COLEC10: variants seen among roughly 807,000 people sequenced by gnomAD.
COLEC10 encodes the protein collectin subfamily member 10, also known as collectin-10.
A neutral mutation model predicts 28.4 loss-of-function variants in COLEC10; 22 were observed. The observed-to-expected ratio is 0.78, with a 90% CI of 0.55 to 1.11. COLEC10 has a LOEUF of 1.11. Ranked by LOEUF, COLEC10 falls within the 50% of genes least tolerant of loss-of-function variation. The pLI is 0.00. For synonymous variants in COLEC10, 125 were observed against 116.1 expected (o/e 1.08, Z -0.49); for missense variants, 361 against 344.1 (o/e 1.05, Z -0.39).
chr8:118,953,093 G>T, the COLEC10 span, among the ~76,000 whole-genome samples: 2 of 152,186 alleles, frequency 1.3e-5, no homozygotes. Flanking sequence ...CAGGATCAGA[G>T]CATCTGCCCC....
chr8:119,087,852 G>A (rs1422747220), intron 1 of COLEC10, among the ~76,000 whole-genome samples: 2 of 152,084 alleles, frequency 1.3e-5, no homozygotes, highest in Admixed American at 6.6e-5. Flanking sequence ...TATGACAATA[G>A]GCAAGCAACT....
the COLEC10 span, among the ~76,000 whole-genome samples, chr8:118,983,457 G>A: frequency 1.3e-5 from 2 of 152,006 alleles, no homozygotes; most frequent in African/African-American, 2.4e-5. Context: ...CTTATTTTAT[G>A]GAGGCTCATA....
chr8:119,089,814 C>A, intron 2 of COLEC10, 63 bp downstream of exon 2: 1 of 1,382,248 alleles, frequency 7.2e-7, no homozygotes, highest in Non-Finnish European at 1.0e-6. Context: ...CTCTCCTGGC[C>A]CTTGCCCTGG....
At chr8:119,021,282 C>G (rs542968795) in intron 2 of COLEC10, among the ~76,000 whole-genome samples, 1 of 152,240 alleles carries the variant, frequency 6.6e-6, no homozygotes, top group East Asian at 1.9e-4. Flanking sequence ...CAAATTATTT[C>G]CAAATTTATG....
At chr8:119,052,590 T>C (rs1373334778) in intron 2 of COLEC10, among the ~76,000 whole-genome samples, 2 of 152,102 alleles carry the variant, frequency 1.3e-5, no homozygotes, top group African/African-American at 4.8e-5. Flanking sequence ...CATGTCTCCA[T>C]TGACTCACAG....
At chr8:119,017,660 C>T (rs912679308) in intron 2 of COLEC10, among the ~76,000 whole-genome samples, 9 of 152,112 alleles carry the variant, frequency 5.9e-5, no homozygotes, top group Non-Finnish European at 7.4e-5. Context: ...CCCTTCGGAG[C>T]TCCTACATCA....
At chr8:119,089,034 C>T (rs1815537409) in intron 1 of COLEC10, among the ~76,000 whole-genome samples, 1 of 152,188 alleles carries the variant, frequency 6.6e-6, no homozygotes, top group Non-Finnish European at 1.5e-5. Flanking sequence ...CCAATAAACT[C>T]AATCACCGGC....
In COLEC10 at chr8:118,996,920, G is replaced by A. The variant is rs538679686; in HGVS notation, n.122+1347G>A. ...ACACTCTAAAACAATCAGCTCTCAC[G>A]TGAACTATCAGAGTGAGAACTCACT... On this transcript the variant is annotated intron_variant and non_coding_transcript_variant, in intron 1 of 6. Coordinates refer to the COLEC10 transcript ENST00000521788. Among the ~76,000 whole-genome samples the A allele has an allele frequency of 7.2e-5, 11 of 152,240 alleles. No individual in the cohort carries two copies. In the East Asian group the frequency reaches 1.9e-3, roughly 27 times the overall value.
chr8:119,029,400 T>C (rs921693454), intron 2 of COLEC10, among the ~76,000 whole-genome samples: 1 of 152,256 alleles, frequency 6.6e-6, no homozygotes, highest in East Asian at 1.9e-4. Context: ...ACTATTTCTT[T>C]GTCTTTCAAG....
At chr8:118,971,544 A>G in the COLEC10 span, among the ~76,000 whole-genome samples, 1 of 151,990 alleles carries the variant, frequency 6.6e-6, no homozygotes, top group Non-Finnish European at 1.5e-5. Context: ...AGGAAGACCT[A>G]CCCTAGGTAG....
intron 3 of COLEC10, 129 bp from the exon 4 acceptor site, chr8:119,102,209 TTCCTCCCTCC>T: frequency 1.2e-5 from 1 of 80,932 alleles, no homozygotes; most frequent in Non-Finnish European, 2.6e-5. Context: ...AATTCACTCC[TTCCTCCCTCC>T]CTCCCTCCCT....
At chr8:119,075,677 C>G (rs1408140424) in intron 1 of COLEC10, among the ~76,000 whole-genome samples, 1 of 152,102 alleles carries the variant, frequency 6.6e-6, no homozygotes, top group African/African-American at 2.4e-5. Flanking sequence ...AGGATCATCA[C>G]TCTTATTTTA....
intron 2 of COLEC10, among the ~76,000 whole-genome samples, chr8:119,015,473 G>A (rs1813975379): frequency 1.3e-5 from 2 of 151,794 alleles, no homozygotes; most frequent in African/African-American, 4.9e-5. Flanking sequence ...GAATTCTCTG[G>A]TGTATTTCAA....
At chr8:118,994,214 A>G (rs1404669018), upstream of COLEC10, among the ~76,000 whole-genome samples, 2 of 152,126 alleles carry the variant, frequency 1.3e-5, no homozygotes, top group South Asian at 2.1e-4. Flanking sequence ...CCAAGCCCCT[A>G]TGTTTACAAA....
chr8:119,001,467 C>T (rs939496133), intron 1 of COLEC10, among the ~76,000 whole-genome samples: 3 of 152,102 alleles, frequency 2.0e-5, no homozygotes, highest in African/African-American at 7.2e-5. Context: ...ATAACTGTCA[C>T]ATGGGGAGGG....
the COLEC10 span, among the ~76,000 whole-genome samples, chr8:118,979,573 A>G: frequency 1.3e-5 from 2 of 152,112 alleles, no homozygotes; most frequent in South Asian, 2.1e-4. Flanking sequence ...TAAAACTAAT[A>G]TTTTGTAAAT....
chr8:119,000,213 T>A (rs1286127886), intron 1 of COLEC10, among the ~76,000 whole-genome samples: 1 of 152,144 alleles, frequency 6.6e-6, no homozygotes, highest in Non-Finnish European at 1.5e-5. Context: ...CTTTCCTGAT[T>A]ATTTTTCTGG....
intron 3 of COLEC10, among the ~76,000 whole-genome samples, chr8:119,096,852 G>A (rs1815728294): frequency 1.3e-5 from 2 of 151,840 alleles, no homozygotes; most frequent in South Asian, 4.2e-4. Context: ...AACCAAAATG[G>A]CTAAAATAAA....
chr8:119,012,073 C>G (rs933940173), intron 2 of COLEC10, among the ~76,000 whole-genome samples: 2 of 150,700 alleles, frequency 1.3e-5, no homozygotes, highest in Admixed American at 6.6e-5. Context: ...AGTTTCTCAC[C>G]AGTAAGTACG....
Sources: gnomAD v4.1 joint callset for allele counts (sites outside exome capture counted in the v4.1 genomes callset) on GRCh38, gnomAD v4.1.1 for gene constraint, MANE v1.5 for transcripts, NCBI Gene and HGNC (gene_info 2026-07-23, HGNC 2026-07-21) for gene names.